Variants in FRMPD4 observed in about 807,000 individuals in gnomAD.
FRMPD4 encodes FERM and PDZ domain containing 4.
A neutral mutation model predicts 94.1 loss-of-function variants in FRMPD4; 22 were observed. That is an observed-to-expected ratio of 0.23 (90% CI 0.17 to 0.33). The LOEUF is 0.33. Among genes scored for constraint, FRMPD4 ranks in the 10% least tolerant of loss-of-function variants. The pLI is 1.00. For missense variants in FRMPD4, 1,111 were observed against 1,339.9 expected, an observed-to-expected ratio of 0.83 and a Z score of 2.67; for synonymous variants, 631 against 548.6, an observed-to-expected ratio of 1.15 and a Z score of -2.10.
intron 3 of FRMPD4, among the ~76,000 whole-genome samples, chrX:11,919,927 G>A (rs1035993723): frequency 1.8e-5 from 2 of 112,247 alleles, no homozygotes; most frequent in Non-Finnish European, 3.8e-5. Flanking sequence ...GGATAACATG[G>A]CAATGAAGAT....
chrX:12,370,891 G>A (rs1443383139), intron 1 of FRMPD4, among the ~76,000 whole-genome samples: 2 of 111,978 alleles, frequency 1.8e-5, no homozygotes. Context: ...TCTTCAGTGA[G>A]ATATAAAAAT....
chrX:12,050,918 T>C (rs1355108784), intron 3 of FRMPD4, among the ~76,000 whole-genome samples: 2 of 111,511 alleles, frequency 1.8e-5, no homozygotes, highest in Non-Finnish European at 3.8e-5. Context: ...ACGACCTAAG[T>C]AGCCATTAAG....
upstream of FRMPD4, among the ~76,000 whole-genome samples, chrX:12,133,779 C>T (rs2055573930): frequency 8.9e-6 from 1 of 111,799 alleles, no homozygotes. Flanking sequence ...TTGCAACAGG[C>T]TCCTAAATCA....
intron 2 of FRMPD4, among the ~76,000 whole-genome samples, chrX:11,877,197 G>T (rs1466479260): frequency 8.9e-6 from 1 of 112,241 alleles, no homozygotes; most frequent in Non-Finnish European, 1.9e-5. Context: ...ATAGGATCTA[G>T]CACTGAAATT....
At chrX:12,524,442 A>G (rs1204936275) in intron 2 of FRMPD4, among the ~76,000 whole-genome samples, 1 of 111,874 alleles carries the variant, frequency 8.9e-6, no homozygotes, top group Non-Finnish European at 1.9e-5. Flanking sequence ...TTTTTGTTTA[A>G]CAAGGGTTAA....
At chrX:12,110,033 C>T (rs5935239) in intron 3 of FRMPD4, among the ~76,000 whole-genome samples, 50,465 of 110,670 alleles carry the variant, frequency 0.46, 9,666 homozygotes, top group Non-Finnish European at 0.63. Flanking sequence ...CTATTCCAAT[C>T]AATAGAAAAA....
chrX:11,845,441 A>G (rs1174521282), intron 1 of FRMPD4, among the ~76,000 whole-genome samples: 2 of 111,157 alleles, frequency 1.8e-5, no homozygotes, highest in African/African-American at 6.6e-5. Context: ...GCCGAATTCT[A>G]CCAGAGGTAC....
chrX:12,122,539 G>A (rs929615729), intron 3 of FRMPD4, among the ~76,000 whole-genome samples: 2 of 111,296 alleles, frequency 1.8e-5, no homozygotes, highest in African/African-American at 3.3e-5. Flanking sequence ...TGTGAGGGAT[G>A]CTGGGAAATG....
chrX:11,839,894 T>C (rs916525823), intron 1 of FRMPD4, among the ~76,000 whole-genome samples: 1 of 111,563 alleles, frequency 9.0e-6, no homozygotes, highest in Non-Finnish European at 1.9e-5. Flanking sequence ...TTGAACATAA[T>C]TGAAAGGGTT....
intron 1 of FRMPD4, among the ~76,000 whole-genome samples, chrX:11,863,000 T>C (rs1469646453): frequency 3.8e-5 from 4 of 104,930 alleles, no homozygotes; most frequent in Non-Finnish European, 7.8e-5. Context: ...CTCTCTCTCT[T>C]TTTTTTTATT....
chrX:12,525,260 A>C (rs1036738868), intron 2 of FRMPD4, among the ~76,000 whole-genome samples: 9 of 111,664 alleles, frequency 8.1e-5, no homozygotes, highest in Non-Finnish European at 1.1e-4. Context: ...ATAAACATAC[A>C]AACACTCTGT....
chrX:12,067,014 C>T (rs368316003), intron 3 of FRMPD4, among the ~76,000 whole-genome samples: 66 of 109,632 alleles, frequency 6.0e-4, no homozygotes, highest in African/African-American at 2.1e-3. Context: ...GGACTACAAG[C>T]GTGCACCACC....
chrX:12,711,759 A>T (rs1569069474), intron 14 of FRMPD4, among the ~76,000 whole-genome samples: 5 of 108,021 alleles, frequency 4.6e-5, no homozygotes, highest in Non-Finnish European at 9.6e-5. Flanking sequence ...CTTCCCCCCA[A>T]CCCTGCCCCC....
At chrX:12,256,949 C>G (rs6639167) in intron 1 of FRMPD4, among the ~76,000 whole-genome samples, 25,621 of 110,856 alleles carry the variant, frequency 0.23, 2,372 homozygotes, top group East Asian at 0.52. Context: ...TCTCAGTGTT[C>G]TAATTTATTT....
chrX:11,844,901 A>T (rs925536410), intron 1 of FRMPD4, among the ~76,000 whole-genome samples: 3 of 111,179 alleles, frequency 2.7e-5, no homozygotes, highest in African/African-American at 9.8e-5. Context: ...AATCTTTTTT[A>T]CCCTCTGTTC....
chrX:11,965,355 A>G (rs1280129326), intron 3 of FRMPD4, among the ~76,000 whole-genome samples: 2 of 112,406 alleles, frequency 1.8e-5, no homozygotes, highest in African/African-American at 6.5e-5. Flanking sequence ...GAATGAAAGT[A>G]TCTTCATTTC....
At chrX:12,484,865 CTATG>C (rs2057723539) in intron 1 of FRMPD4, among the ~76,000 whole-genome samples, 2 of 112,094 alleles carry the variant, frequency 1.8e-5, no homozygotes, top group African/African-American at 6.5e-5. Flanking sequence ...CTCTACCTAC[CTATG>C]TATGTATCTA....
chrX:12,702,325 C>A (rs1034577302), intron 10 of FRMPD4, among the ~76,000 whole-genome samples: 1 of 112,314 alleles, frequency 8.9e-6, no homozygotes, highest in East Asian at 2.8e-4. Context: ...TCTCACAACA[C>A]CCCTATGAGA....
chrX:12,501,095 T>C (rs919784789), intron 2 of FRMPD4, among the ~76,000 whole-genome samples: 3 of 112,302 alleles, frequency 2.7e-5, no homozygotes, highest in South Asian at 3.7e-4. Flanking sequence ...GAACGTCAGC[T>C]AGCTCTGCCT....
Sources: allele counts gnomAD v4.1 joint callset (sites outside exome capture counted in the v4.1 genomes callset), GRCh38; gene constraint gnomAD v4.1.1; transcripts MANE v1.5; gene names NCBI Gene and HGNC (gene_info 2026-07-23, HGNC 2026-07-21).